Variants in CACNA1C observed in about 807,000 individuals in gnomAD.
The protein encoded by CACNA1C is voltage-dependent L-type calcium channel subunit alpha-1C.
Under a neutral mutation model 229.0 loss-of-function variants are expected in CACNA1C, and 30 were observed. That is an observed-to-expected ratio of 0.13 (90% CI 0.10 to 0.18). CACNA1C has a LOEUF of 0.18. Among genes scored for constraint, CACNA1C ranks in the 10% least tolerant of loss-of-function variants. CACNA1C has a pLI of 1.00. For missense variants in CACNA1C, 1,658 were observed against 2,845.0 expected, an observed-to-expected ratio of 0.58 and a Z score of 9.49; for synonymous variants, 1,114 against 1,132.5, an observed-to-expected ratio of 0.98 and a Z score of 0.33.
In CACNA1C at chr12:2,486,933, A is replaced by C. The variant is rs140986200; in HGVS notation, c.916+671A>C. Among the ~76,000 whole-genome samples the C allele has an allele frequency of 1.3e-5, 2 of 152,244 alleles. No homozygotes were observed. Among genetic ancestry groups the C allele is most frequent in the African/African-American group, 4.8e-5 (2 of 41,546 alleles). On this transcript the variant is annotated intron_variant, in intron 6 of 46. Coordinates refer to ENST00000399655, the MANE Select transcript of CACNA1C (RefSeq NM_000719.7). The surrounding 1 kb of genome is among the most constrained non-coding windows in gnomAD (Gnocchi z 4.9). ...CTTCCTTTTTGAGCCTTCCCACTTCACGTTCCTTCCATAAATCAATATATT... is the reference window on the plus strand; with the variant it reads ...CTTCCTTTTTGAGCCTTCCCACTTCCCGTTCCTTCCATAAATCAATATATT...
Position 2,634,284 on chromosome 12 carries a change from C to T in CACNA1C, c.3829-13C>T. The stretch of plus-strand genomic sequence containing the variant: ...CTTCTTCTCTCTCTCCCCGGCTGCT[C>T]TGCCCCATGCAGCACTATTTCTGTG... On this transcript the variant is annotated splice_polypyrimidine_tract_variant and intron_variant, in intron 29 of 46. Coordinates refer to ENST00000399655, the MANE Select transcript of CACNA1C (RefSeq NM_000719.7). The T allele has an allele frequency of 6.8e-7, 1 of 1,471,930 alleles. No homozygotes were observed. Among genetic ancestry groups the T allele is most frequent in the Non-Finnish European group, 9.2e-7 (1 of 1,088,722 alleles). 91.2% of individuals were successfully genotyped at this position (1,471,930 alleles called of 1,614,324 possible).
intron 3 of CACNA1C, among the ~76,000 whole-genome samples, chr12:2,360,312 C>T (rs1464168057): frequency 6.6e-6 from 1 of 152,096 alleles, no homozygotes; most frequent in African/African-American, 2.4e-5. Context: ...CAGCATCCCG[C>T]TAGATCTTCC....
At chr12:2,063,640 A>T (rs1222249653) in intron 1 of CACNA1C, among the ~76,000 whole-genome samples, 3 of 152,262 alleles carry the variant, frequency 2.0e-5, no homozygotes, top group Admixed American at 1.3e-4. Context: ...CAATTATACA[A>T]AAAAGTGGTT....
chr12:2,581,940 T>C, intron 14 of CACNA1C, 143 bp downstream of exon 14: 2 of 561,206 alleles, frequency 3.6e-6, no homozygotes, highest in Non-Finnish European at 6.4e-6. Context: ...CGGGAGAGTC[T>C]TGAGTTTTTT....
At chr12:2,240,064 A>G (rs1380163938) in intron 3 of CACNA1C, among the ~76,000 whole-genome samples, 1 of 152,272 alleles carries the variant, frequency 6.6e-6, no homozygotes, top group Non-Finnish European at 1.5e-5. Flanking sequence ...AGTGATCGCT[A>G]AATTGCTGGA....
At chr12:2,621,210 C>G (rs758409445) in intron 29 of CACNA1C, among the ~76,000 whole-genome samples, 1 of 152,114 alleles carries the variant, frequency 6.6e-6, no homozygotes, top group African/African-American at 2.4e-5. Flanking sequence ...CACCAATACA[C>G]AACAAACAAA....
At position 2,639,609 on chromosome 12, in the gene CACNA1C, T is replaced by C. The variant is rs2093399502; in HGVS notation, c.3912+5229T>C. Among the ~76,000 whole-genome samples the C allele has an allele frequency of 6.6e-6, 1 of 152,156 alleles. No homozygotes were observed. Among genetic ancestry groups the C allele is most frequent in the Non-Finnish European group, 1.5e-5 (1 of 68,030 alleles). ...ATGCAAAAGTGAGGAGTGAGAGGTT[T>C]AGGATGGTCTCTTGCAACTCTAGCC... On this transcript the variant is annotated intron_variant, in intron 30 of 46. Coordinates refer to ENST00000399655, the MANE Select transcript of CACNA1C (RefSeq NM_000719.7). The surrounding 1 kb of genome is among the most constrained non-coding windows in gnomAD (Gnocchi z 4.2).
intron 11 of CACNA1C, among the ~76,000 whole-genome samples, chr12:2,559,557 G>A (rs910515351): frequency 1.3e-5 from 2 of 152,238 alleles, no homozygotes; most frequent in African/African-American, 2.4e-5. Flanking sequence ...TCAATACACC[G>A]CAGTAATGCG....
rs367895193 is a variant in CACNA1C, at chr12:2,634,330, G to T, written c.3862G>T (p.Ala1288Ser). 1.4e-5 allele frequency: 22 copies of T among 1,581,328 alleles called. No homozygotes were observed. Among genetic ancestry groups the T allele is most frequent in the Non-Finnish European group, 1.9e-5 (22 of 1,161,938 alleles). ...CTGTGATGCATGGAATACATTTGAC[G>T]CCTTGATTGTTGTGGGTAGCATTGT... ...YFCDAWNTFD[A>S]LIVVGSIVDI... Residue 1288 changes from alanine to serine, a missense_variant, in exon 30 of 47, where the codon GCC becomes TCC. Ala to Ser is a moderately conservative substitution (Grantham distance 99). Coordinates refer to ENST00000399655, the MANE Select transcript of CACNA1C (RefSeq NM_000719.7).
intron 1 of CACNA1C, among the ~76,000 whole-genome samples, chr12:2,000,234 A>G (rs2041878712): frequency 6.6e-6 from 1 of 152,240 alleles, no homozygotes; most frequent in Non-Finnish European, 1.5e-5. Context: ...TTACATTGTT[A>G]GGAAACTGAG....
chr12:2,686,953 C>CT (rs1354321555), intron 45 of CACNA1C, among the ~76,000 whole-genome samples: 2 of 152,180 alleles, frequency 1.3e-5, no homozygotes, highest in East Asian at 1.9e-4. Context: ...AAGTTATACT[C>CT]TTTTATAGCA....
chr12:2,183,741 C>T (rs1258607799), intron 3 of CACNA1C, among the ~76,000 whole-genome samples: 1 of 152,220 alleles, frequency 6.6e-6, no homozygotes, highest in Non-Finnish European at 1.5e-5. Context: ...TGCCTTCCCG[C>T]CAGGTGGGTC....
At chr12:2,151,652 A>G (rs2095276607) in intron 3 of CACNA1C, among the ~76,000 whole-genome samples, 2 of 152,184 alleles carry the variant, frequency 1.3e-5, no homozygotes. Context: ...CCAGGTTTGC[A>G]GAAATGGCTT....
intron 33 of CACNA1C, 94 bp from the exon 34 acceptor site, chr12:2,655,053 C>G: frequency 1.3e-6 from 1 of 781,698 alleles, no homozygotes; most frequent in African/African-American, 1.7e-5. Flanking sequence ...TCCAGGGACA[C>G]CTGAGACCCC....
At chr12:2,264,174 C>T (rs556046016) in intron 3 of CACNA1C, among the ~76,000 whole-genome samples, 2 of 152,108 alleles carry the variant, frequency 1.3e-5, no homozygotes, top group Admixed American at 1.3e-4. Context: ...GGGTGAGGAC[C>T]CCGCTGGAAC....
At chr12:2,324,417 G>T (rs2096182463) in intron 3 of CACNA1C, among the ~76,000 whole-genome samples, 1 of 152,248 alleles carries the variant, frequency 6.6e-6, no homozygotes, top group African/African-American at 2.4e-5. Context: ...TCCACCTGGT[G>T]GCACCTGAGT....
At chr12:2,014,781 G>A (rs1176230159) in intron 1 of CACNA1C, among the ~76,000 whole-genome samples, 1 of 152,146 alleles carries the variant, frequency 6.6e-6, no homozygotes, top group Admixed American at 6.5e-5. Context: ...AGACTTTTCT[G>A]GTTGGCTTGA....
At chr12:2,218,595 T>C (rs35889656) in intron 3 of CACNA1C, among the ~76,000 whole-genome samples, 68 of 152,276 alleles carry the variant, frequency 4.5e-4, no homozygotes, top group Non-Finnish European at 7.8e-4. Flanking sequence ...AGCTGCCAAA[T>C]GGAAGGTCTC....
At chr12:2,356,278 A>T (rs767916954) in intron 3 of CACNA1C, among the ~76,000 whole-genome samples, 7 of 152,218 alleles carry the variant, frequency 4.6e-5, no homozygotes, top group Non-Finnish European at 1.0e-4. Flanking sequence ...TTTATTGTGC[A>T]TCTTAATGAC....
Sources: allele counts gnomAD v4.1 joint callset (sites outside exome capture counted in the v4.1 genomes callset), GRCh38; gene constraint gnomAD v4.1.1; non-coding constraint Gnocchi (gnomAD v3.1); transcripts MANE v1.5; gene names NCBI Gene and HGNC (gene_info 2026-07-23, HGNC 2026-07-21).